Variants in RBFOX1 observed in about 807,000 individuals in gnomAD.
The protein encoded by RBFOX1 is RNA binding fox-1 homolog 1.
RBFOX1 carries 8 observed loss-of-function variants against 57.7 expected under a neutral mutation model. That is an observed-to-expected ratio of 0.14 (90% confidence interval 0.08 to 0.25). The LOEUF (loss-of-function observed/expected upper bound fraction) is 0.25. Ranked by LOEUF, RBFOX1 falls within the 10% of genes least tolerant of loss-of-function variation. The pLI, the probability that RBFOX1 is intolerant of heterozygous loss-of-function variation, is 1.00. For synonymous variants in RBFOX1, 326 were observed against 222.4 expected (o/e 1.47, Z -4.15); for missense variants, 611 against 548.5 (o/e 1.11, Z -1.14).
intron 4 of RBFOX1, among the ~76,000 whole-genome samples, chr16:7,383,838 C>G (rs1277907509): frequency 1.3e-5 from 2 of 152,056 alleles, no homozygotes; most frequent in Non-Finnish European, 2.9e-5. Context: ...GGGCAGATCA[C>G]AAGGTCAGAA....
chr16:5,862,823 G>A (rs772433289), intron 3 of RBFOX1, among the ~76,000 whole-genome samples: 25 of 152,160 alleles, frequency 1.6e-4, no homozygotes, highest in Non-Finnish European at 2.5e-4. Context: ...GCCCCACGCT[G>A]TTCAGCATGG....
rs374827330 is a variant in RBFOX1, at chr16:5,811,143, A to ATTTTT, written c.319-56141_319-56137dup. Among the ~76,000 whole-genome samples the ATTTTT allele has an allele frequency of 1.8e-3, 183 of 104,556 alleles. 6 individuals are homozygous for ATTTTT. The highest frequency in any genetic ancestry group is 5.1e-3 in the African/African-American group (129 of 25,412). 68.6% of individuals were successfully genotyped at this position (104,556 alleles called of 152,430 possible). A position where few individuals can be genotyped will look rare whatever the true frequency, so the allele number is the denominator to read the frequency against. ...ATATAAATGAAATCTTATGGAACAAATTTTTTTTTTTTTTTTTTTTTTTGA... is the reference window on the plus strand; with the variant it reads ...ATATAAATGAAATCTTATGGAACAAATTTTTTTTTTTTTTTTTTTTTTTTTTTTGA... On this transcript the variant is annotated intron_variant, in intron 3 of 19. Transcript: ENST00000641259.
chr16:7,032,218 A>G (rs1249785006), intron 3 of RBFOX1, among the ~76,000 whole-genome samples: 2 of 152,090 alleles, frequency 1.3e-5, no homozygotes, highest in Non-Finnish European at 2.9e-5. Context: ...TGAGGTCAGG[A>G]GTTCGAGACC....
intron 4 of RBFOX1, among the ~76,000 whole-genome samples, chr16:7,091,830 G>C (rs746944743): frequency 2.0e-5 from 3 of 152,218 alleles, no homozygotes; most frequent in Admixed American, 6.5e-5. Flanking sequence ...GAGATGGCCT[G>C]ATTTGTAGAT....
chr16:6,430,771 G>A (rs1271597166), intron 2 of RBFOX1, among the ~76,000 whole-genome samples: 1 of 152,040 alleles, frequency 6.6e-6, no homozygotes, highest in African/African-American at 2.4e-5. Flanking sequence ...TTTTAGAAAG[G>A]CCACTCTGGC....
intron 5 of RBFOX1, among the ~76,000 whole-genome samples, chr16:7,544,235 G>A (rs561965900): frequency 2.0e-5 from 3 of 152,320 alleles, no homozygotes; most frequent in African/African-American, 7.2e-5. Context: ...TGTCTTTAGG[G>A]AAATTATGAC....
At chr16:6,399,672 G>A (rs1272315357) in intron 2 of RBFOX1, among the ~76,000 whole-genome samples, 1 of 152,082 alleles carries the variant, frequency 6.6e-6, no homozygotes, top group Non-Finnish European at 1.5e-5. Context: ...ACATTTTTGG[G>A]TATCTTTACA....
At chr16:5,395,126 A>T (rs1165071739) in intron 1 of RBFOX1, among the ~76,000 whole-genome samples, 1 of 152,194 alleles carries the variant, frequency 6.6e-6, no homozygotes, top group African/African-American at 2.4e-5. Flanking sequence ...TTTCAGCCAC[A>T]GGGAACTACC....
intron 1 of RBFOX1, among the ~76,000 whole-genome samples, chr16:6,270,787 T>C (rs1452936415): frequency 1.3e-5 from 2 of 152,176 alleles, no homozygotes; most frequent in African/African-American, 2.4e-5. Context: ...TTCATGTCCA[T>C]GGGAGATATC....
intron 3 of RBFOX1, among the ~76,000 whole-genome samples, chr16:5,619,326 C>T (rs533162221): frequency 1.2e-3 from 184 of 152,212 alleles, no homozygotes; most frequent in African/African-American, 4.4e-3. Flanking sequence ...GGCCTGAGTT[C>T]CTTGGCAGAT....
chr16:6,481,037 G>A (rs377670099), intron 2 of RBFOX1, among the ~76,000 whole-genome samples: 2 of 152,092 alleles, frequency 1.3e-5, no homozygotes, highest in East Asian at 1.9e-4. Context: ...TGTTTTTTAG[G>A]ACAGACATTA....
chr16:6,739,877 A>G (rs531303187), intron 3 of RBFOX1, among the ~76,000 whole-genome samples: 68 of 152,304 alleles, frequency 4.5e-4, no homozygotes, highest in African/African-American at 1.6e-3. Context: ...ACTCTGTCTT[A>G]AGAATAAAAC....
intron 11 of RBFOX1, among the ~76,000 whole-genome samples, chr16:7,641,346 T>C (rs571755081): frequency 4.6e-5 from 7 of 152,232 alleles, no homozygotes; most frequent in Middle Eastern, 3.2e-3. Flanking sequence ...AACCCAGTAA[T>C]GTAAACACGT....
intron 4 of RBFOX1, among the ~76,000 whole-genome samples, chr16:5,877,073 A>C (rs2057630931): frequency 6.6e-6 from 1 of 152,230 alleles, no homozygotes; most frequent in African/African-American, 2.4e-5. Flanking sequence ...GAGGAGATCC[A>C]TGTAGGGCAC....
chr16:6,757,047 A>T (rs75843273), intron 3 of RBFOX1, among the ~76,000 whole-genome samples: 2 of 147,636 alleles, frequency 1.4e-5, no homozygotes, highest in Non-Finnish European at 3.0e-5. Context: ...TATAAAAAAA[A>T]TGCTTATTAT....
chr16:6,454,117 G>C (rs895638114), intron 2 of RBFOX1, among the ~76,000 whole-genome samples: 6 of 152,090 alleles, frequency 3.9e-5, no homozygotes, highest in African/African-American at 1.4e-4. Context: ...TTGGATGAGG[G>C]CCCACCCTAT....
intron 2 of RBFOX1, among the ~76,000 whole-genome samples, chr16:6,463,094 C>T (rs1425889327): frequency 6.9e-6 from 1 of 145,178 alleles, no homozygotes; most frequent in Non-Finnish European, 1.5e-5. Context: ...GCTATCCTTC[C>T]CCTATTCAAC....
At chr16:5,573,562 G>A (rs1382452716) in intron 2 of RBFOX1, among the ~76,000 whole-genome samples, 1 of 152,122 alleles carries the variant, frequency 6.6e-6, no homozygotes, top group Admixed American at 6.5e-5. Context: ...AAATCAACCT[G>A]AGCTTCCTTT....
intron 2 of RBFOX1, among the ~76,000 whole-genome samples, chr16:6,419,257 T>C (rs1451324848): frequency 6.6e-6 from 1 of 152,202 alleles, no homozygotes; most frequent in African/African-American, 2.4e-5. Context: ...TGTCCAGGTA[T>C]ATGCTGTGGT....
Sources: allele counts gnomAD v4.1 joint callset (sites outside exome capture counted in the v4.1 genomes callset), GRCh38; gene constraint gnomAD v4.1.1; transcripts MANE v1.5; gene names NCBI Gene and HGNC (gene_info 2026-07-23, HGNC 2026-07-21).